RYR2: variants seen among roughly 807,000 people sequenced by gnomAD.
RYR2 encodes ryanodine receptor 2.
RYR2 carries 227 observed loss-of-function variants against 601.1 expected under a neutral mutation model. The observed-to-expected ratio is 0.38, with a 90% confidence interval of 0.34 to 0.42. The LOEUF (loss-of-function observed/expected upper bound fraction) is 0.42, where lower values mean the gene tolerates loss of function less well. Among genes scored for constraint, RYR2 ranks in the 10% least tolerant of loss-of-function variants. The pLI, the probability that RYR2 is intolerant of heterozygous loss-of-function variation, is 1.00. For synonymous variants in RYR2, 2,223 were observed against 2,175.1 expected (o/e 1.02, Z -0.61); for missense variants, 4,646 against 6,156.5 (o/e 0.75, Z 8.21).
chr1:237,197,141 T>C lies in RYR2; in HGVS notation c.49-73356T>C, dbSNP rs187491427. 1.1e-3 allele frequency among the ~76,000 whole-genome samples: 162 copies of C among 152,304 alleles called. 1 individual carries two copies. The highest frequency in any genetic ancestry group is 2.0e-3 in the Non-Finnish European group (135 of 68,022). On this transcript the variant is annotated intron_variant, in intron 1 of 104. Coordinates refer to ENST00000366574, the MANE Select transcript of RYR2 (RefSeq NM_001035.3). The stretch of plus-strand genomic sequence containing the variant: ...ATTTAGCTACCTTGCTGAATTGTCA[T>C]TCAGATAATTTACCGAAAGATTCCA...
At chr1:237,228,436 G>A (rs2149175241) in intron 1 of RYR2, among the ~76,000 whole-genome samples, 1 of 152,246 alleles carries the variant, frequency 6.6e-6, no homozygotes, top group East Asian at 1.9e-4. Flanking sequence ...CTATTAACAT[G>A]CATGTGCAAG....
chr1:237,496,389 C>T, intron 19 of RYR2, 122 bp from the exon 20 acceptor site: 1 of 1,364,408 alleles, frequency 7.3e-7, no homozygotes, highest in Non-Finnish European at 9.9e-7. Flanking sequence ...GCCTAGGCAA[C>T]AGAGCAAGAC....
intron 1 of RYR2, among the ~76,000 whole-genome samples, chr1:237,225,916 G>A (rs561440413): frequency 9.9e-5 from 15 of 152,244 alleles, no homozygotes; most frequent in African/African-American, 3.4e-4. Context: ...TTAGCTGGGT[G>A]TGGTGGCACA....
chr1:237,831,480 C>T (rs373530444), intron 103 of RYR2, 34 bp from the exon 104 acceptor site: 22 of 1,170,912 alleles, frequency 1.9e-5, no homozygotes, highest in African/African-American at 7.6e-5. Context: ...ATTTCCATAC[C>T]GTTCATTTCT....
chr1:237,760,348 C>T (rs563349690), intron 83 of RYR2, among the ~76,000 whole-genome samples: 130 of 125,150 alleles, frequency 1.0e-3, no homozygotes, highest in African/African-American at 3.3e-3. Flanking sequence ...AGAGTGAGAC[C>T]CTGTCGCTAA....
At chr1:237,632,286 T>C (rs1012639065) in intron 42 of RYR2, among the ~76,000 whole-genome samples, 1 of 152,080 alleles carries the variant, frequency 6.6e-6, no homozygotes, top group Non-Finnish European at 1.5e-5. Context: ...TCCACCATCC[T>C]CCATGACACA....
At chr1:237,769,318 A>G (rs1000410499) in intron 84 of RYR2, among the ~76,000 whole-genome samples, 2 of 152,164 alleles carry the variant, frequency 1.3e-5, no homozygotes, top group African/African-American at 4.8e-5. Flanking sequence ...TGCCTAAAAC[A>G]TTCTCCCTTT....
intron 58 of RYR2, among the ~76,000 whole-genome samples, chr1:237,670,081 G>A (rs1354044126): frequency 6.6e-6 from 1 of 152,144 alleles, no homozygotes; most frequent in African/African-American, 2.4e-5. Context: ...GCGGTTAGGG[G>A]CTGGAGACCG....
intron 16 of RYR2, among the ~76,000 whole-genome samples, chr1:237,460,375 A>T (rs1358688659): frequency 6.6e-6 from 1 of 152,162 alleles, no homozygotes; most frequent in African/African-American, 2.4e-5. Context: ...CTGATCAGGG[A>T]TCCACTGTTG....
At chr1:237,429,902 A>T (rs1001875716) in intron 12 of RYR2, among the ~76,000 whole-genome samples, 52 of 152,058 alleles carry the variant, frequency 3.4e-4, no homozygotes, top group African/African-American at 1.3e-3. Context: ...GAAAAGTCAC[A>T]CATTTGCAAT....
intron 2 of RYR2, among the ~76,000 whole-genome samples, chr1:237,290,850 C>T (rs571884742): frequency 3.9e-5 from 6 of 152,128 alleles, no homozygotes; most frequent in Non-Finnish European, 7.4e-5. Flanking sequence ...AAATATTTCA[C>T]GGAAAAGAGA....
chr1:237,602,464 A>T (rs1205393796), intron 35 of RYR2, among the ~76,000 whole-genome samples: 1 of 152,224 alleles, frequency 6.6e-6, no homozygotes, highest in Non-Finnish European at 1.5e-5. Context: ...GGAATACTCC[A>T]GTAACATAAA....
chr1:237,664,912 A>C (rs1460811427), intron 56 of RYR2, among the ~76,000 whole-genome samples: 1 of 152,318 alleles, frequency 6.6e-6, no homozygotes, highest in Non-Finnish European at 1.5e-5. Flanking sequence ...TCCTCACTAC[A>C]ACTGTATGGG....
intron 1 of RYR2, among the ~76,000 whole-genome samples, chr1:237,169,305 CTTCT>C (rs1677069366): frequency 7.0e-6 from 1 of 142,786 alleles, no homozygotes; most frequent in Non-Finnish European, 1.5e-5. Context: ...TTTTCTTCTT[CTTCT>C]TTTTTTTTGA....
At chr1:237,718,981 T>A (rs774858228) in intron 73 of RYR2, among the ~76,000 whole-genome samples, 1 of 152,142 alleles carries the variant, frequency 6.6e-6, no homozygotes, top group South Asian at 2.1e-4. Context: ...AAGAAAATGT[T>A]GGCTAGGCAC....
chr1:237,329,019 A>G (rs533476957), intron 2 of RYR2, among the ~76,000 whole-genome samples: 2 of 152,304 alleles, frequency 1.3e-5, no homozygotes, highest in African/African-American at 4.8e-5. Context: ...TGCTTGTCTA[A>G]GCGAAAGCAT....
At chr1:237,380,222 CTGA>C (rs1373586747) in intron 8 of RYR2, among the ~76,000 whole-genome samples, 2 of 150,590 alleles carry the variant, frequency 1.3e-5, no homozygotes, top group African/African-American at 2.4e-5. Context: ...TCTAGAGAAA[CTGA>C]AAGATCAAGA....
intron 10 of RYR2, among the ~76,000 whole-genome samples, chr1:237,394,694 A>G (rs1442751681): frequency 6.6e-6 from 1 of 152,240 alleles, no homozygotes; most frequent in Non-Finnish European, 1.5e-5. Flanking sequence ...AGGGACTTGT[A>G]TAGCCCAGAC....
intron 97 of RYR2, among the ~76,000 whole-genome samples, chr1:237,798,807 G>A (rs1355919828): frequency 7.7e-6 from 1 of 130,572 alleles, no homozygotes; most frequent in Non-Finnish European, 1.7e-5. Flanking sequence ...CACACATATA[G>A]TGTGAGTGTA....
Sources: allele counts gnomAD v4.1 joint callset (sites outside exome capture counted in the v4.1 genomes callset), GRCh38; gene constraint gnomAD v4.1.1; transcripts MANE v1.5; gene names NCBI Gene and HGNC (gene_info 2026-07-23, HGNC 2026-07-21).